Variants in XPO5 observed in about 807,000 individuals in gnomAD.
The protein encoded by XPO5 is exportin 5, also known as exportin-5.
In XPO5, 46 loss-of-function variants were observed where a neutral mutation model predicts 160.6. The ratio of observed to expected loss-of-function variants is 0.29; its 90% CI spans 0.23 to 0.37. XPO5 has a LOEUF of 0.37. Among genes scored for constraint, XPO5 ranks in the 10% least tolerant of loss-of-function variants. The probability of loss-of-function intolerance (pLI) is 1.00; values close to 1 mark genes in which losing one functional copy is unlikely to be tolerated. For missense variants in XPO5, 1,090 were observed against 1,463.9 expected, an observed-to-expected ratio of 0.74 and a Z score of 4.17; for synonymous variants, 537 against 519.3, an observed-to-expected ratio of 1.03 and a Z score of -0.46.
intron 12 of XPO5, among the ~76,000 whole-genome samples, chr6:43,557,076 C>T (rs1342282759): frequency 1.4e-5 from 2 of 145,956 alleles, no homozygotes; most frequent in South Asian, 2.1e-4. Context: ...TGCAGTGAGC[C>T]GAGAGTGTGT....
At chr6:43,556,100 A>G in intron 12 of XPO5, 136 bp from the exon 13 acceptor site, 1 of 1,160,482 alleles carries the variant, frequency 8.6e-7, no homozygotes, top group Non-Finnish European at 1.2e-6. Flanking sequence ...TTTGCATGTA[A>G]TAATCACTCA....
At chr6:43,574,792 T>G (rs1335377867) in intron 1 of XPO5, among the ~76,000 whole-genome samples, 3 of 152,224 alleles carry the variant, frequency 2.0e-5, no homozygotes, top group Non-Finnish European at 4.4e-5. Context: ...CACTGTCGTA[T>G]TCTCTCCACT....
intron 12 of XPO5, 127 bp from the exon 13 acceptor site, chr6:43,556,091 T>A: frequency 8.0e-7 from 1 of 1,256,730 alleles, no homozygotes; most frequent in Non-Finnish European, 1.1e-6. Context: ...GACTTGTGCT[T>A]TGCATGTAAT....
chr6:43,525,971 G>T, intron 27 of XPO5, 50 bp from the exon 28 acceptor site: 1 of 1,595,618 alleles, frequency 6.3e-7, no homozygotes, highest in Middle Eastern at 1.7e-4. Flanking sequence ...GAACAGAGAA[G>T]AATATCTTGT....
intron 13 of XPO5, among the ~76,000 whole-genome samples, chr6:43,554,280 A>T: frequency 7.0e-6 from 1 of 142,086 alleles, no homozygotes; most frequent in Admixed American, 7.0e-5. Context: ...TAATTTTTGT[A>T]TTTTTTTTTT....
Position 43,573,549 on chromosome 6 carries a change from C to T in XPO5, c.158G>A (p.Arg53Lys), listed in dbSNP as rs373359039. ...GGCAACTTGTGTTTTCTCAGCCAAC[C>T]TCAAGCCACAGGGGACACAGATAGG... ...KCPICVPCGL[R>K]LAEKTQVAIV... Residue 53 changes from arginine to lysine, a missense_variant, in exon 2 of 32, where the codon AGG (arginine) becomes AAG (lysine). Physicochemically the swap from Arg to Lys is conservative, Grantham distance 26 (BLOSUM62 2). Around this residue, in one of 3 missense-constraint regions of XPO5, gnomAD observed 170 missense variants for 227.0 expected, o/e 0.75. Transcript: ENST00000265351. 11 of 1,613,716 alleles carry T rather than the reference C, an allele frequency of 6.8e-6. No homozygotes were observed. The highest frequency in any genetic ancestry group is 2.7e-5 in the African/African-American group (2 of 74,910).
chr6:43,549,531 G>A lies in XPO5; in HGVS notation c.1818C>T (p.Ser606=). The A allele has an allele frequency of 6.2e-7, 1 of 1,613,244 alleles. No individual in the cohort carries two copies. Among genetic ancestry groups the A allele is most frequent in the Non-Finnish European group, 8.5e-7 (1 of 1,179,718 alleles). Residue 606 remains serine, a synonymous_variant, in exon 17 of 32, where the codon TCC becomes TCT. Transcript: ENST00000265351. ...AVRNVRRHAC[S]SIIKMCRDYP... Reference sequence around the variant, plus strand: ...AGTCACGACACATCTTGATGATGGAGGAACAAGCATGCCTCCTCACATTCC... The same window carrying A: ...AGTCACGACACATCTTGATGATGGAAGAACAAGCATGCCTCCTCACATTCC...
intron 5 of XPO5, among the ~76,000 whole-genome samples, chr6:43,570,180 C>T (rs1035111655): frequency 1.3e-5 from 2 of 150,640 alleles, no homozygotes; most frequent in African/African-American, 2.4e-5. Context: ...GGCCTGGTGG[C>T]GGGCGCCTGT....
Position 43,575,784 on chromosome 6 carries a change from C to G in XPO5, c.81G>C (p.Gln27His). Residue 27 changes from glutamine to histidine, a missense_variant, in exon 1 of 32, where the codon CAG becomes CAC. Physicochemically the swap from Gln to His is conservative, Grantham distance 24. Transcript: ENST00000265351. ...VTVMMDPNST[Q>H]RYRLEALKFC... is the part of the protein sequence containing the mutation. ...CCTTGAGGGCTTCCAGCCGGTAGCGCTGGGTGGAGTTGGGGTCCATCATGA... is the reference window on the plus strand; with the variant it reads ...CCTTGAGGGCTTCCAGCCGGTAGCGGTGGGTGGAGTTGGGGTCCATCATGA... The G allele has an allele frequency of 1.2e-6, 2 of 1,613,670 alleles. No individual in the cohort carries two copies. The highest frequency in any genetic ancestry group is 2.2e-5 in the South Asian group (2 of 91,076).
chr6:43,557,081 G>A (rs944267421), intron 12 of XPO5, among the ~76,000 whole-genome samples: 3 of 144,846 alleles, frequency 2.1e-5, no homozygotes, highest in Non-Finnish European at 4.5e-5. Flanking sequence ...TGAGCCGAGA[G>A]TGTGTCATTG....
At chr6:43,565,071 C>T (rs955005686) in intron 8 of XPO5, among the ~76,000 whole-genome samples, 4 of 151,814 alleles carry the variant, frequency 2.6e-5, no homozygotes, top group Admixed American at 1.3e-4. Context: ...TACAGGCGTG[C>T]GCCACCAGGT....
chr6:43,531,365 A>G (rs1413950063), intron 22 of XPO5, 114 bp downstream of exon 22: 17 of 937,210 alleles, frequency 1.8e-5, no homozygotes, highest in Non-Finnish European at 2.5e-5. Context: ...TAAGTTTCCT[A>G]TCAAACTCTT....
At chr6:43,538,366 G>T (rs1219860417) in intron 20 of XPO5, among the ~76,000 whole-genome samples, 1 of 151,782 alleles carries the variant, frequency 6.6e-6, no homozygotes, top group African/African-American at 2.4e-5. Context: ...GGCCAGGTTG[G>T]TCTCAAACTC....
chr6:43,568,955 A>T (rs1762845802), intron 5 of XPO5, among the ~76,000 whole-genome samples: 1 of 152,258 alleles, frequency 6.6e-6, no homozygotes, highest in Non-Finnish European at 1.5e-5. Context: ...CAATTCATGA[A>T]CATGTATGTA....
intron 27 of XPO5, chr6:43,526,321 A>C (rs370687353): frequency 1.9e-5 from 7 of 369,836 alleles, no homozygotes; most frequent in African/African-American, 1.2e-4. Flanking sequence ...ATAAAAACAT[A>C]ATGTTGGGTA....
At chr6:43,550,358 A>G (rs1034625046) in intron 15 of XPO5, among the ~76,000 whole-genome samples, 1 of 152,246 alleles carries the variant, frequency 6.6e-6, no homozygotes, top group African/African-American at 2.4e-5. Context: ...TGTAGTCAAG[A>G]AACTCACTGG....
rs1762976468 is a variant in XPO5 at position 43,570,865 on chromosome 6, T to G, written c.430A>C (p.Lys144Gln). ...ATAGCTGTGTTTCATACCCCTTGTT[T>G]GGAAAGAGTGTCCAATTCTATTAGC... is the stretch of plus-strand genomic sequence containing the variant. ...DMLIELDTLSKQGETQTELVM... is the reference protein window; with the variant it reads ...DMLIELDTLSQQGETQTELVM... Residue 144 changes from lysine (K) to glutamine (Q), a missense_variant, in exon 4 of 32, where the codon AAA (lysine) becomes CAA (glutamine). Around this residue, in one of 3 missense-constraint regions of XPO5, gnomAD observed 170 missense variants for 227.0 expected, o/e 0.75. Transcript: ENST00000265351. The G allele has an allele frequency of 6.2e-7, 1 of 1,610,290 alleles. No individual in the cohort carries two copies. The highest frequency in any genetic ancestry group is 1.7e-5 in the Admixed American group (1 of 59,070).
chr6:43,562,473 G>C, intron 8 of XPO5, 127 bp from the exon 9 acceptor site: 1 of 735,104 alleles, frequency 1.4e-6, no homozygotes, highest in Non-Finnish European at 2.2e-6. Flanking sequence ...CAATAGCTTT[G>C]CTAAATTAAA....
Position 43,549,509 on chromosome 6 carries a change from C to T in XPO5, c.1840G>A (p.Asp614Asn), listed in dbSNP as rs1300719719. Residue 614 changes from aspartate (D) to asparagine (N), a missense_variant, in exon 17 of 32, where the codon GAC (aspartate) becomes AAC (asparagine). By Grantham distance (23) the Asp-to-Asn change is conservative. Around this residue, in one of 3 missense-constraint regions of XPO5, gnomAD observed 810 missense variants for 1,139.0 expected, o/e 0.71. Coordinates refer to ENST00000265351, the MANE Select transcript of XPO5 (RefSeq NM_020750.3). ...CTTACCAGCACAAGCTGGGGGTAGT[C>T]ACGACACATCTTGATGATGGAGGAA... Reference protein sequence around the residue: ...ACSSIIKMCRDYPQLVLPNFD... With the variant: ...ACSSIIKMCRNYPQLVLPNFD... The T allele has an allele frequency of 6.2e-7, 1 of 1,612,486 alleles. No individual in the cohort carries two copies. Among genetic ancestry groups the T allele is most frequent in the African/African-American group, 1.3e-5 (1 of 74,860 alleles).
Sources: allele counts gnomAD v4.1 joint callset (sites outside exome capture counted in the v4.1 genomes callset), GRCh38; gene constraint gnomAD v4.1.1; regional missense constraint gnomAD v4.1.1; transcripts MANE v1.5; gene names NCBI Gene and HGNC (gene_info 2026-07-23, HGNC 2026-07-21).